The following ULK4 variants were observed in gnomAD, a reference collection of about 807,000 sequenced individuals.
The protein encoded by ULK4 is unc-51 like kinase 4, also known as inactive serine/threonine-protein kinase ULK4.
Under a neutral mutation model 160.6 loss-of-function variants are expected in ULK4, and 133 were observed. The observed-to-expected ratio is 0.83, with a 90% CI of 0.72 to 0.96. The LOEUF is 0.96. Among genes scored for constraint, ULK4 ranks in the 40% least tolerant of loss-of-function variants. ULK4 has a pLI of 0.00. For missense variants in ULK4, 1,580 were observed against 1,499.5 expected (o/e 1.05, Z -0.89); for synonymous variants, 534 against 539.8 (o/e 0.99, Z 0.15).
intron 32 of ULK4, among the ~76,000 whole-genome samples, chr3:41,556,315 A>G (rs1410717397): frequency 6.6e-6 from 1 of 152,136 alleles, no homozygotes; most frequent in East Asian, 1.9e-4. Context: ...TGTGTAGGAA[A>G]TAAGTGTTCC....
At chr3:41,656,687 C>T (rs1383789588) in intron 30 of ULK4, among the ~76,000 whole-genome samples, 2 of 152,186 alleles carry the variant, frequency 1.3e-5, no homozygotes, top group Non-Finnish European at 2.9e-5. Context: ...ACCATTAATT[C>T]ACTGTGAACT....
chr3:41,610,480 G>C (rs2032619427), intron 31 of ULK4, among the ~76,000 whole-genome samples: 1 of 152,180 alleles, frequency 6.6e-6, no homozygotes, highest in Non-Finnish European at 1.5e-5. Context: ...GTTACAAGTA[G>C]AGTGGAGCAA....
At chr3:41,489,804 A>G (rs1424941463) in intron 32 of ULK4, among the ~76,000 whole-genome samples, 1 of 152,218 alleles carries the variant, frequency 6.6e-6, no homozygotes, top group Non-Finnish European at 1.5e-5. Flanking sequence ...CTTGGCTAGT[A>G]AAAGTCTAGT....
chr3:41,339,503 C>T (rs1185473082), intron 35 of ULK4, among the ~76,000 whole-genome samples: 1 of 152,188 alleles, frequency 6.6e-6, no homozygotes, highest in African/African-American at 2.4e-5. Context: ...CGTTTCCTCC[C>T]CTCTCCTGCT....
rs1211062307 is a variant in ULK4, at chr3:41,496,847, T to G, written c.3227-33594A>C. Among the ~76,000 whole-genome samples the G allele has an allele frequency of 4.6e-5, 7 of 152,056 alleles. No individual in the cohort carries two copies. In the East Asian group the frequency reaches 1.2e-3, roughly 25 times the overall value. ...CAACACCTTACTAATAGACCCACGA[T>G]TAGAAAAACAAAAAATAAGCCTTGA... On this transcript the variant is annotated intron_variant, in intron 32 of 36. Coordinates refer to ENST00000301831, the MANE Select transcript of ULK4 (RefSeq NM_017886.4).
intron 22 of ULK4, among the ~76,000 whole-genome samples, chr3:41,721,814 T>A (rs1013263861): frequency 6.6e-6 from 1 of 152,214 alleles, no homozygotes; most frequent in Non-Finnish European, 1.5e-5. Context: ...TTGTAAGATT[T>A]ATGCTTTCCC....
At chr3:41,435,758 C>T (rs907034864) in intron 34 of ULK4, among the ~76,000 whole-genome samples, 3 of 152,102 alleles carry the variant, frequency 2.0e-5, no homozygotes, top group African/African-American at 7.2e-5. Context: ...ACCAGCCTGA[C>T]CAACATAGTG....
Position 41,649,350 on chromosome 3 carries a change from C to T in ULK4, c.3071+14257G>A, listed in dbSNP as rs1164243097. Among the ~76,000 whole-genome samples, 6 of 152,198 alleles carry T rather than the reference C, an allele frequency of 3.9e-5. No homozygotes were observed. The South Asian group carries it at 1.0e-3, about 26-fold the overall frequency. Reference sequence around the variant, plus strand: ...AGGCAGGAACAGGCAGGAGCCCCACCCCCTACTGAGTCAGCAGGGCAGGGT... The same window carrying T: ...AGGCAGGAACAGGCAGGAGCCCCACTCCCTACTGAGTCAGCAGGGCAGGGT... On this transcript the variant is annotated intron_variant, in intron 30 of 36. Transcript: ENST00000301831.
At chr3:41,709,777 C>G (rs905312473) in intron 25 of ULK4, among the ~76,000 whole-genome samples, 1 of 151,994 alleles carries the variant, frequency 6.6e-6, no homozygotes, top group Non-Finnish European at 1.5e-5. Flanking sequence ...TAACTTTTAT[C>G]GAATAAAATA....
intron 27 of ULK4, among the ~76,000 whole-genome samples, chr3:41,692,875 T>C (rs148848285): frequency 1.2e-3 from 187 of 152,286 alleles, no homozygotes; most frequent in African/African-American, 4.4e-3. Context: ...AATGTGTGAA[T>C]ACATATGCAC....
intron 34 of ULK4, among the ~76,000 whole-genome samples, chr3:41,413,851 G>GA (rs1473966204): frequency 6.6e-6 from 1 of 152,132 alleles, no homozygotes; most frequent in African/African-American, 2.4e-5. Context: ...TCCAGACTTA[G>GA]AAAAAGGAGC....
intron 32 of ULK4, among the ~76,000 whole-genome samples, chr3:41,468,438 G>C (rs2083889712): frequency 6.6e-6 from 1 of 152,126 alleles, no homozygotes. Flanking sequence ...GGATATCAAG[G>C]AATAACTAGA....
intron 32 of ULK4, among the ~76,000 whole-genome samples, chr3:41,480,656 T>C (rs1245491666): frequency 1.3e-5 from 2 of 152,206 alleles, no homozygotes; most frequent in Admixed American, 1.3e-4. Context: ...TTTAAGAATA[T>C]AGCATATGTA....
chr3:41,803,022 G>C (rs137891656), intron 19 of ULK4, among the ~76,000 whole-genome samples: 18,790 of 151,966 alleles, frequency 0.12, 1,341 homozygotes, highest in Middle Eastern at 0.27. Context: ...AAAATTAGCT[G>C]GGCATGGTGG....
At chr3:41,426,262 AC>A (rs2082773272) in intron 34 of ULK4, among the ~76,000 whole-genome samples, 1 of 152,238 alleles carries the variant, frequency 6.6e-6, no homozygotes, top group African/African-American at 2.4e-5. Context: ...ATACAGGAGA[AC>A]CCAGATTCAT....
chr3:41,358,720 G>C (rs2081074323), intron 35 of ULK4, among the ~76,000 whole-genome samples: 1 of 152,150 alleles, frequency 6.6e-6, no homozygotes, highest in African/African-American at 2.4e-5. Context: ...AGGTAGTGGA[G>C]ACTGACTGCA....
intron 32 of ULK4, among the ~76,000 whole-genome samples, chr3:41,552,409 G>A: frequency 6.6e-6 from 1 of 151,776 alleles, no homozygotes; most frequent in East Asian, 1.9e-4. Context: ...ATTTAGTAAA[G>A]TAGAATGCAA....
intron 34 of ULK4, among the ~76,000 whole-genome samples, chr3:41,400,386 A>G (rs2125817096): frequency 6.6e-6 from 1 of 152,194 alleles, no homozygotes; most frequent in Non-Finnish European, 1.5e-5. Flanking sequence ...ACCCCTGGTG[A>G]CCACACACCG....
intron 31 of ULK4, among the ~76,000 whole-genome samples, chr3:41,610,002 T>C (rs1444078140): frequency 6.9e-6 from 1 of 145,014 alleles, no homozygotes; most frequent in African/African-American, 2.5e-5. Flanking sequence ...GTAAAGACAA[T>C]ACAATTCAAA....
Sources: allele counts gnomAD v4.1 joint callset (sites outside exome capture counted in the v4.1 genomes callset), GRCh38; gene constraint gnomAD v4.1.1; transcripts MANE v1.5; gene names NCBI Gene and HGNC (gene_info 2026-07-23, HGNC 2026-07-21).